Variants in AIG1 observed in about 807,000 individuals in gnomAD.
AIG1 encodes androgen-induced gene 1 protein.
AIG1 carries 23 observed loss-of-function variants against 31.4 expected under a neutral mutation model. The ratio of observed to expected loss-of-function variants is 0.73; its 90% CI spans 0.53 to 1.04. The LOEUF is 1.04. Ranked by LOEUF, AIG1 falls within the 50% of genes least tolerant of loss-of-function variation. AIG1 has a pLI of 0.00. For missense variants in AIG1, 274 were observed against 295.0 expected, an observed-to-expected ratio of 0.93 and a Z score of 0.52; for synonymous variants, 100 against 110.5, an observed-to-expected ratio of 0.90 and a Z score of 0.60.
intron 1 of AIG1, among the ~76,000 whole-genome samples, chr6:143,062,024 C>T (rs1776303917): frequency 6.6e-6 from 1 of 152,200 alleles, no homozygotes; most frequent in African/African-American, 2.4e-5. Flanking sequence ...ATTCCTGGGA[C>T]TCCCTGAACT....
chr6:143,281,931 C>A (rs1156367622), intron 3 of AIG1, among the ~76,000 whole-genome samples: 1 of 152,168 alleles, frequency 6.6e-6, no homozygotes, highest in Non-Finnish European at 1.5e-5. Flanking sequence ...GGTGATGACA[C>A]CAATGATGAA....
chr6:143,213,975 C>T (rs1409440981), intron 3 of AIG1, among the ~76,000 whole-genome samples: 3 of 152,098 alleles, frequency 2.0e-5, no homozygotes, highest in Non-Finnish European at 2.9e-5. Context: ...AAATAGAAAG[C>T]TGGAATGCTA....
At chr6:143,070,051 A>G (rs1239621466) in intron 1 of AIG1, among the ~76,000 whole-genome samples, 1 of 152,234 alleles carries the variant, frequency 6.6e-6, no homozygotes, top group Non-Finnish European at 1.5e-5. Flanking sequence ...GTCCCTTCAC[A>G]GGTACCACAC....
intron 3 of AIG1, among the ~76,000 whole-genome samples, chr6:143,192,775 T>C (rs565826510): frequency 1.3e-5 from 2 of 152,304 alleles, no homozygotes; most frequent in South Asian, 4.1e-4. Context: ...ACTGCACAAG[T>C]AGATGACCTA....
At position 143,282,390 on chromosome 6, in the gene AIG1, C is replaced by T. The variant is rs187071960; in HGVS notation, c.400-1720C>T. Among the ~76,000 whole-genome samples, 245 of 152,248 alleles carry T rather than the reference C, an allele frequency of 1.6e-3. 1 individual carries two copies. The highest frequency in any genetic ancestry group is 5.7e-3 in the African/African-American group (237 of 41,548). On this transcript the variant is annotated intron_variant, in intron 3 of 5. Coordinates refer to ENST00000357847, the MANE Select transcript of AIG1 (RefSeq NM_016108.4). ...TGTATATTTGAATTTTGCGTGAATG[C>T]ACCATTGTAAAACTATTGTTGCCAT... is the stretch of plus-strand genomic sequence containing the variant.
intron 3 of AIG1, among the ~76,000 whole-genome samples, chr6:143,257,140 A>G (rs939230568): frequency 2.0e-5 from 3 of 152,216 alleles, no homozygotes; most frequent in South Asian, 2.1e-4. Flanking sequence ...CACTGTGTCA[A>G]TTGCAAAGGC....
At chr6:143,102,572 TATATA>T (rs1188460335) in intron 1 of AIG1, among the ~76,000 whole-genome samples, 10 of 147,826 alleles carry the variant, frequency 6.8e-5, no homozygotes, top group Admixed American at 4.1e-4. Context: ...TATATAAATA[TATATA>T]ATATAATATA....
At chr6:143,135,205 C>T (rs1277566078) in intron 1 of AIG1, among the ~76,000 whole-genome samples, 1 of 151,870 alleles carries the variant, frequency 6.6e-6, no homozygotes, top group Non-Finnish European at 1.5e-5. Context: ...TTGTTAGTTA[C>T]CTTTTTATGT....
chr6:143,128,377 G>A (rs1385273503), intron 1 of AIG1, among the ~76,000 whole-genome samples: 3 of 152,192 alleles, frequency 2.0e-5, no homozygotes, highest in African/African-American at 7.2e-5. Flanking sequence ...AATGAATACT[G>A]AGTGACTCCA....
chr6:143,295,811 G>GC (rs1038288971), intron 4 of AIG1, among the ~76,000 whole-genome samples: 4 of 152,034 alleles, frequency 2.6e-5, no homozygotes, highest in African/African-American at 9.7e-5. Context: ...TCCAAAGTCT[G>GC]CCCCCAAAGT....
downstream of AIG1, chr6:143,342,264 G>T: frequency 2.9e-6 from 2 of 685,402 alleles, no homozygotes; most frequent in South Asian, 3.0e-5. Context: ...GCGAGGCTGG[G>T]CGCAGAGAGG....
At chr6:143,087,122 C>A (rs1778868454) in intron 1 of AIG1, among the ~76,000 whole-genome samples, 3 of 152,198 alleles carry the variant, frequency 2.0e-5, no homozygotes. Flanking sequence ...TCCTTCAATT[C>A]TAAGGAAGGA....
chr6:143,281,338 C>T (rs915483213), intron 3 of AIG1, among the ~76,000 whole-genome samples: 6 of 152,210 alleles, frequency 3.9e-5, no homozygotes, highest in African/African-American at 1.2e-4. Flanking sequence ...CTGAGTACCT[C>T]TCTTGTGCCA....
At chr6:143,148,491 G>A (rs777677237) in intron 2 of AIG1, among the ~76,000 whole-genome samples, 10 of 152,018 alleles carry the variant, frequency 6.6e-5, no homozygotes, top group Non-Finnish European at 1.3e-4. Context: ...GCTGGGCGAT[G>A]GAGTGAGACC....
chr6:143,121,750 A>G (rs1389118244), intron 1 of AIG1, among the ~76,000 whole-genome samples: 2 of 152,198 alleles, frequency 1.3e-5, no homozygotes, highest in Non-Finnish European at 2.9e-5. Flanking sequence ...TGTTATTGTT[A>G]ATGACTGATT....
Position 143,112,807 on chromosome 6 carries a change from A to G in AIG1, c.142-24028A>G, listed in dbSNP as rs1033058255. Among the ~76,000 whole-genome samples, 6 of 152,328 alleles carry G rather than the reference A, an allele frequency of 3.9e-5. No homozygotes were observed. In the East Asian group the frequency reaches 7.7e-4, roughly 20 times the overall value. On this transcript the variant is annotated intron_variant, in intron 1 of 5. Transcript: ENST00000357847. ...GATCTCCAGAGACTGTGCATTTTTG[A>G]TCCTCACATGTAGAGAACTGCATGG... is the stretch of plus-strand genomic sequence containing the variant.
chr6:143,246,449 A>G (rs563213583), intron 3 of AIG1, among the ~76,000 whole-genome samples: 53 of 152,246 alleles, frequency 3.5e-4, no homozygotes, highest in South Asian at 1.5e-3. Context: ...AGACCCATTC[A>G]CTATCACAAG....
intron 1 of AIG1, among the ~76,000 whole-genome samples, chr6:143,124,235 C>T (rs911579277): frequency 2.6e-5 from 4 of 152,166 alleles, no homozygotes; most frequent in Admixed American, 1.3e-4. Context: ...CAGTAAAGAG[C>T]GCTGAAGGGC....
intron 2 of AIG1, among the ~76,000 whole-genome samples, chr6:143,137,516 T>G (rs1783872184): frequency 6.6e-6 from 1 of 152,182 alleles, no homozygotes; most frequent in South Asian, 2.1e-4. Flanking sequence ...GGTCCTTGGG[T>G]CAACCAGGCT....
Sources: allele counts gnomAD v4.1 joint callset (sites outside exome capture counted in the v4.1 genomes callset), GRCh38; gene constraint gnomAD v4.1.1; transcripts MANE v1.5; gene names NCBI Gene and HGNC (gene_info 2026-07-23, HGNC 2026-07-21).